Variants in RAP2C observed in about 807,000 individuals in gnomAD.
RAP2C encodes the protein ras-related protein Rap-2c.
RAP2C carries 3 observed loss-of-function variants against 8.9 expected under a neutral mutation model. That is an observed-to-expected ratio of 0.34 (90% CI 0.15 to 0.87). The LOEUF is 0.87. Ranked by LOEUF, RAP2C falls within the 40% of genes least tolerant of loss-of-function variation. The probability of loss-of-function intolerance (pLI) is 0.51; values close to 1 mark genes in which losing one functional copy is unlikely to be tolerated. For synonymous variants in RAP2C, 60 were observed against 52.1 expected (o/e 1.15, Z -0.65); for missense variants, 76 against 133.7 (o/e 0.57, Z 2.13).
Position 132,217,233 on chromosome X carries a change from T to G in RAP2C, c.36A>C (p.Gly12=). The change falls in exon 4 of 6, where the codon GGA becomes GGC. Residue 12 remains glycine, a synonymous_variant. Coordinates refer to ENST00000370874, the MANE Select transcript of RAP2C (RefSeq NM_001271186.2). ...CAGTAAGGGCAGATTTGCCAACCCC[T>G]CCACTCCCTAACACCACTACCTTGT... ...REYKVVVLGS[G]GVGKSALTVQ... is the part of the protein sequence containing the mutation. 1 of 1,153,224 alleles carries G rather than the reference T, an allele frequency of 8.7e-7. No homozygotes were observed. Among genetic ancestry groups the G allele is most frequent in the Non-Finnish European group, 1.2e-6 (1 of 864,633 alleles).
chrX:132,205,095 TA>T lies in RAP2C; in HGVS notation c.*526del, dbSNP rs1346642518. ...TTTCTTTTTACAACACTGCCACACG[TA>T]AACAAAGTCTCAAAGTATTAACCAA... On this transcript the variant is annotated 3_prime_UTR_variant, in exon 6 of 6. Transcript: ENST00000370874. 9.0e-6 allele frequency: 1 copy of T among 111,267 alleles called. No individual in the cohort carries two copies. The highest frequency in any genetic ancestry group is 3.3e-5 in the African/African-American group (1 of 30,624). 9.2% of individuals were successfully genotyped at this position (111,267 alleles called of 1,213,427 possible).
rs1230920286 is a variant in RAP2C at position 132,204,861 on chromosome X, A to G, written c.*761T>C. 1 of 110,839 alleles carries G rather than the reference A, an allele frequency of 9.0e-6. No homozygotes were observed. The highest frequency in any genetic ancestry group is 2.8e-4 in the East Asian group (1 of 3,540). 9.1% of individuals were successfully genotyped at this position (110,839 alleles called of 1,213,427 possible). On this transcript the variant is annotated 3_prime_UTR_variant, in exon 6 of 6. Coordinates refer to ENST00000370874, the MANE Select transcript of RAP2C (RefSeq NM_001271186.2). Reference sequence around the variant, plus strand: ...AGGAAAATGTTACTGCCGCAATTCAATGCTGTAAATGAGATTAACACATGT... The same window carrying G: ...AGGAAAATGTTACTGCCGCAATTCAGTGCTGTAAATGAGATTAACACATGT...
At position 132,217,158 on chromosome X, in the gene RAP2C, T is replaced by C. The variant is rs1237269141; in HGVS notation, c.111A>G (p.Glu37=). 8.3e-7 allele frequency: 1 copy of C among 1,200,817 alleles called. No individual in the cohort carries two copies. Among genetic ancestry groups the C allele is most frequent in the African/African-American group, 1.8e-5 (1 of 56,621 alleles). ...TFIEKYDPTI[E]DFYRKEIEVD... Reference sequence around the variant, plus strand: ...CTTCGATCTCTTTGCGGTAGAAATCTTCAATGGTGGGGTCATATTTCTCAA... The same window carrying C: ...CTTCGATCTCTTTGCGGTAGAAATCCTCAATGGTGGGGTCATATTTCTCAA... Residue 37 remains glutamate, a synonymous_variant, in exon 4 of 6, where the codon GAA becomes GAG. Transcript: ENST00000370874.
In RAP2C at chrX:132,204,114, T is replaced by C. The variant is rs1406626933; in HGVS notation, c.*1508A>G. ...TTATTATAGATCAAAAGTATAGTTTTGGTTTTGTTTTATTTTATTTAGAAG... is the reference window on the plus strand; with the variant it reads ...TTATTATAGATCAAAAGTATAGTTTCGGTTTTGTTTTATTTTATTTAGAAG... On this transcript the variant is annotated 3_prime_UTR_variant, in exon 6 of 6. Transcript: ENST00000370874. 8.9e-6 allele frequency: 1 copy of C among 112,565 alleles called. No individual in the cohort carries two copies. Among genetic ancestry groups the C allele is most frequent in the Non-Finnish European group, 1.9e-5 (1 of 53,206 alleles). 9.3% of individuals were successfully genotyped at this position (112,565 alleles called of 1,213,427 possible).
Position 132,204,005 on chromosome X carries a change from A to G in RAP2C, c.*1617T>C, listed in dbSNP as rs1425310239. ...ATACCACTTTATTTGAACATCACAC[A>G]CAATATAAATTTAAAATTGCCACAC... On this transcript the variant is annotated 3_prime_UTR_variant, in exon 6 of 6. Transcript: ENST00000370874. The G allele has an allele frequency of 8.9e-6, 1 of 112,638 alleles. No individual in the cohort carries two copies. Among genetic ancestry groups the G allele is most frequent in the Admixed American group, 9.4e-5 (1 of 10,589 alleles). The allele number at this position is 112,638 out of a possible 1,213,427, so 9.3% of individuals were successfully genotyped here. A position where few individuals can be genotyped will look rare whatever the true frequency, so the allele number is the denominator to read the frequency against.
chrX:132,215,203 G>T (rs958418976), intron 4 of RAP2C, among the ~76,000 whole-genome samples: 2 of 110,069 alleles, frequency 1.8e-5, no homozygotes, highest in African/African-American at 6.6e-5. Context: ...AATTACAAAA[G>T]ATAAGAGCGT....
chrX:132,203,560 AG>A lies in RAP2C; in HGVS notation c.*2061del. The A allele has an allele frequency of 1.0e-5, 1 of 98,545 alleles. No homozygotes were observed. The highest frequency in any genetic ancestry group is 2.1e-5 in the Non-Finnish European group (1 of 48,273). The allele number at this position is 98,545 out of a possible 1,213,427, so 8.1% of individuals were successfully genotyped here. A position where few individuals can be genotyped will look rare whatever the true frequency, so the allele number is the denominator to read the frequency against. On this transcript the variant is annotated 3_prime_UTR_variant, in exon 6 of 6. Transcript: ENST00000370874. ...GAGAGAGAGAGAGAGAGAGAGAGAG[AG>A]AAACAAGAACACAATCTACAGGAAA...
At position 132,214,254 on chromosome X, in the gene RAP2C, G is replaced by T. The variant is rs371502735; in HGVS notation, c.466C>A (p.Leu156Ile). ...ATTTGCCTGACGATCTCAGCAAAAA[G>T]TTCATCCACCATTGATTTACTTTTT... ...SAKSKSMVDE[L>I]FAEIVRQMNY... is the part of the protein sequence containing the mutation. The change falls in exon 5 of 6, where the codon CTT becomes ATT. Residue 156 changes from leucine (L) to isoleucine (I), a missense_variant. Transcript: ENST00000370874. 8.3e-7 allele frequency: 1 copy of T among 1,210,215 alleles called. No individual in the cohort carries two copies. The highest frequency in any genetic ancestry group is 1.7e-5 in the African/African-American group (1 of 57,209).
chrX:132,208,921 C>G (rs1930349672), intron 5 of RAP2C, among the ~76,000 whole-genome samples: 1 of 112,001 alleles, frequency 8.9e-6, no homozygotes, highest in African/African-American at 3.2e-5. Context: ...TCCACCTCGG[C>G]TTCCCAAAGT....
chrX:132,207,794 T>C (rs911369705), intron 5 of RAP2C, among the ~76,000 whole-genome samples: 1 of 111,641 alleles, frequency 9.0e-6, no homozygotes, highest in African/African-American at 3.3e-5. Context: ...AAATCAGTAC[T>C]TTTTAACTTG....
chrX:132,207,476 A>G (rs1422283636), intron 5 of RAP2C, among the ~76,000 whole-genome samples: 2 of 111,834 alleles, frequency 1.8e-5, no homozygotes. Flanking sequence ...CCACAGGATG[A>G]CAATACTCCT....
At chrX:132,209,208 G>C (rs774771862) in intron 5 of RAP2C, among the ~76,000 whole-genome samples, 11 of 111,641 alleles carry the variant, frequency 9.9e-5, no homozygotes, top group African/African-American at 3.6e-4. Flanking sequence ...AATGTTTATA[G>C]TGAACCCAGG....
intron 5 of RAP2C, among the ~76,000 whole-genome samples, chrX:132,211,229 T>C (rs1223647281): frequency 9.0e-6 from 1 of 111,365 alleles, no homozygotes. Context: ...TCTGTTCCAG[T>C]TGGTTGTGGT....
rs1028567892 is a variant in RAP2C at position 132,217,311 on chromosome X, C to T, written c.-43G>A. Reference sequence around the variant, plus strand: ...ACTCCTACCAGAGGGGGGGAAAGATCACCCCGCTAGCTGTGGCGCGGCTAG... The same window carrying T: ...ACTCCTACCAGAGGGGGGGAAAGATTACCCCGCTAGCTGTGGCGCGGCTAG... On this transcript the variant is annotated 5_prime_UTR_variant, in exon 4 of 6. Transcript: ENST00000370874. 2 of 1,053,290 alleles carry T rather than the reference C, an allele frequency of 1.9e-6. No homozygotes were observed. The highest frequency in any genetic ancestry group is 2.5e-6 in the Non-Finnish European group (2 of 807,577). 86.8% of individuals were successfully genotyped at this position (1,053,290 alleles called of 1,213,427 possible). A position where few individuals can be genotyped will look rare whatever the true frequency, so the allele number is the denominator to read the frequency against.
rs1299525634 is a variant in RAP2C, at chrX:132,205,837, A to G, written c.*35-250T>C. Among the ~76,000 whole-genome samples the G allele has an allele frequency of 5.4e-5, 6 of 110,749 alleles. No individual in the cohort carries two copies. In the East Asian group the frequency reaches 1.7e-3, roughly 31 times the overall value. On this transcript the variant is annotated intron_variant, in intron 5 of 5. Transcript: ENST00000370874. The stretch of plus-strand genomic sequence containing the variant: ...TGTGTAGCTATTCTAGCTTATTTCT[A>G]TAATATTATTATGCCTTGTACTTGT...
chrX:132,206,391 T>C (rs978565958), intron 5 of RAP2C, among the ~76,000 whole-genome samples: 4 of 111,814 alleles, frequency 3.6e-5, no homozygotes, highest in African/African-American at 1.3e-4. Context: ...TTCCCTGCTC[T>C]TATAGCGTAC....
Position 132,203,505 on chromosome X carries a change from T to C in RAP2C, c.*2117A>G, listed in dbSNP as rs1236875425. The C allele has an allele frequency of 3.2e-5, 2 of 63,439 alleles. No individual in the cohort carries two copies. Among genetic ancestry groups the C allele is most frequent in the African/African-American group, 1.1e-4 (2 of 17,498 alleles). 5.2% of individuals were successfully genotyped at this position (63,439 alleles called of 1,213,427 possible). ...GTCAATGACAATGAACACTGTAATT[T>C]TGAGAGAGAGAGAGAGAGAGAGAGA... On this transcript the variant is annotated 3_prime_UTR_variant, in exon 6 of 6. Transcript: ENST00000370874.
In RAP2C at chrX:132,217,254, C is replaced by T. The variant is rs770378656; in HGVS notation, c.15G>A (p.Lys5=). 1 of 1,116,478 alleles carries T rather than the reference C, an allele frequency of 9.0e-7. No homozygotes were observed. The highest frequency in any genetic ancestry group is 1.9e-5 in the African/African-American group (1 of 53,813). 92.0% of individuals were successfully genotyped at this position (1,116,478 alleles called of 1,213,427 possible). A position where few individuals can be genotyped will look rare whatever the true frequency, so the allele number is the denominator to read the frequency against. MREY[K]VVVLGSGGVG... ...CCCCTCCACTCCCTAACACCACTAC[C>T]TTGTATTCCCTCATGAGTCTCACCT... The change falls in exon 4 of 6, where the codon AAG becomes AAA. Residue 5 remains lysine (K), a synonymous_variant. Transcript: ENST00000370874.
At chrX:132,208,658 TTAA>T (rs1251735497) in intron 5 of RAP2C, among the ~76,000 whole-genome samples, 1 of 109,773 alleles carries the variant, frequency 9.1e-6, no homozygotes, top group Non-Finnish European at 1.9e-5. Flanking sequence ...AATTATTATT[TTAA>T]TAATAATTTT....
Sources: gnomAD v4.1 joint callset for allele counts (sites outside exome capture counted in the v4.1 genomes callset) on GRCh38, gnomAD v4.1.1 for gene constraint, MANE v1.5 for transcripts, NCBI Gene and HGNC (gene_info 2026-07-23, HGNC 2026-07-21) for gene names.